MAP2K6: variants seen among roughly 807,000 people sequenced by gnomAD.
The protein encoded by MAP2K6 is mitogen-activated protein kinase kinase 6.
In MAP2K6, 16 loss-of-function variants were observed where a neutral mutation model predicts 53.7. The ratio of observed to expected loss-of-function variants is 0.30; its 90% confidence interval spans 0.20 to 0.45. The LOEUF (loss-of-function observed/expected upper bound fraction) is 0.45. Ranked by LOEUF, MAP2K6 falls within the 20% of genes least tolerant of loss-of-function variation. MAP2K6 has a pLI of 1.00. For synonymous variants in MAP2K6, 132 were observed against 143.1 expected (o/e 0.92, Z 0.55); for missense variants, 204 against 411.9 (o/e 0.50, Z 4.37).
intron 1 of MAP2K6, among the ~76,000 whole-genome samples, chr17:69,426,266 A>T (rs1372855725): frequency 6.6e-6 from 1 of 152,224 alleles, no homozygotes; most frequent in Admixed American, 6.5e-5. Context: ...TCTTCCAGTG[A>T]TTAGCCATGT....
chr17:69,482,302 A>T (rs1036812731), intron 1 of MAP2K6, among the ~76,000 whole-genome samples: 1 of 152,038 alleles, frequency 6.6e-6, no homozygotes. Flanking sequence ...TATGTGATTT[A>T]TTATTTTTTT....
At chr17:69,490,396 C>A (rs779142213) in intron 1 of MAP2K6, among the ~76,000 whole-genome samples, 1 of 152,178 alleles carries the variant, frequency 6.6e-6, no homozygotes, top group Non-Finnish European at 1.5e-5. Context: ...TTAGCCAGTT[C>A]TTTGTTTCTG....
intron 1 of MAP2K6, among the ~76,000 whole-genome samples, chr17:69,464,692 G>A (rs1226426359): frequency 6.6e-6 from 1 of 151,770 alleles, no homozygotes; most frequent in Non-Finnish European, 1.5e-5. Flanking sequence ...TTTGTAAGAT[G>A]TCCTTTTATC....
At chr17:69,449,552 TC>T (rs1907117027) in intron 1 of MAP2K6, among the ~76,000 whole-genome samples, 3 of 107,174 alleles carry the variant, frequency 2.8e-5, no homozygotes, top group Non-Finnish European at 3.7e-5. Flanking sequence ...TTTCTTTCTT[TC>T]TTTCTTTATT....
intron 2 of MAP2K6, among the ~76,000 whole-genome samples, chr17:69,507,006 A>C (rs1018507915): frequency 6.7e-6 from 1 of 149,128 alleles, no homozygotes; most frequent in Admixed American, 6.7e-5. Flanking sequence ...TTTCTCGTAG[A>C]CCTGTGAACT....
intron 1 of MAP2K6, among the ~76,000 whole-genome samples, chr17:69,442,509 C>T (rs1034774543): frequency 3.9e-5 from 6 of 152,202 alleles, no homozygotes; most frequent in Non-Finnish European, 5.9e-5. Context: ...TTCTCAATTT[C>T]CCAACCTCTG....
chr17:69,459,978 TTCCCTCCC>T (rs1053272719), intron 1 of MAP2K6, among the ~76,000 whole-genome samples: 66 of 150,346 alleles, frequency 4.4e-4, no homozygotes, highest in African/African-American at 1.5e-3. Context: ...GCCTTCCACC[TTCCCTCCC>T]TCCCTCCCTC....
At chr17:69,464,109 C>T (rs1345525262) in intron 1 of MAP2K6, among the ~76,000 whole-genome samples, 2 of 151,824 alleles carry the variant, frequency 1.3e-5, no homozygotes, top group Non-Finnish European at 1.5e-5. Context: ...TTTTTTGAGA[C>T]GGAGTCTCAC....
chr17:69,513,815 T>C (rs1909998000), intron 2 of MAP2K6, among the ~76,000 whole-genome samples: 2 of 152,166 alleles, frequency 1.3e-5, no homozygotes, highest in Admixed American at 1.3e-4. Flanking sequence ...GACCTTTCTG[T>C]TGCTTCATAT....
intron 1 of MAP2K6, among the ~76,000 whole-genome samples, chr17:69,456,367 C>T (rs2145165071): frequency 6.6e-6 from 1 of 152,230 alleles, no homozygotes; most frequent in Non-Finnish European, 1.5e-5. Context: ...TAGGGATGGC[C>T]TGGGGTTTGT....
intron 1 of MAP2K6, among the ~76,000 whole-genome samples, chr17:69,464,860 C>G (rs1907743667): frequency 6.6e-6 from 1 of 151,952 alleles, no homozygotes; most frequent in Non-Finnish European, 1.5e-5. Context: ...GGATTACAGG[C>G]ACGTGCCACC....
intron 2 of MAP2K6, among the ~76,000 whole-genome samples, chr17:69,513,683 A>G (rs2145242080): frequency 6.6e-6 from 1 of 152,314 alleles, no homozygotes; most frequent in Middle Eastern, 3.4e-3. Context: ...GCTGGACCAC[A>G]GGCTGTAATT....
At chr17:69,474,576 A>C (rs1424107564) in intron 1 of MAP2K6, among the ~76,000 whole-genome samples, 2 of 152,170 alleles carry the variant, frequency 1.3e-5, no homozygotes, top group African/African-American at 4.8e-5. Context: ...TAATGGCTGC[A>C]GTTTTGTACT....
chr17:69,536,214 A>G, intron 11 of MAP2K6, 54 bp downstream of exon 11: 1 of 1,294,168 alleles, frequency 7.7e-7, no homozygotes, highest in Non-Finnish European at 1.1e-6. Flanking sequence ...CAAAAGGCAA[A>G]GTCACTAAGA....
chr17:69,500,768 A>G (rs1324182066), intron 1 of MAP2K6, among the ~76,000 whole-genome samples: 1 of 138,328 alleles, frequency 7.2e-6, no homozygotes, highest in African/African-American at 3.2e-5. Context: ...AAAAAAAAGA[A>G]AAAAAAAAAG....
chr17:69,496,310 C>G (rs566313819), intron 1 of MAP2K6, among the ~76,000 whole-genome samples: 26 of 143,266 alleles, frequency 1.8e-4, no homozygotes, highest in Middle Eastern at 7.6e-3. Context: ...CTTGCTCTGT[C>G]TCCCAGGCTG....
chr17:69,472,630 A>G (rs1241554570), intron 1 of MAP2K6, among the ~76,000 whole-genome samples: 1 of 152,110 alleles, frequency 6.6e-6, no homozygotes, highest in Admixed American at 6.5e-5. Context: ...CCAGCTCAGT[A>G]CTCTGAGCTA....
chr17:69,487,503 G>A (rs975748184), intron 1 of MAP2K6, among the ~76,000 whole-genome samples: 2 of 152,190 alleles, frequency 1.3e-5, no homozygotes, highest in African/African-American at 4.8e-5. Flanking sequence ...GTAGCTGATG[G>A]GTAACTTACA....
chr17:69,480,653 A>G (rs920939224), intron 1 of MAP2K6, among the ~76,000 whole-genome samples: 2 of 152,226 alleles, frequency 1.3e-5, no homozygotes, highest in African/African-American at 4.8e-5. Context: ...ATTGGGAAGC[A>G]TGGGAATGAT....
Sources: allele counts gnomAD v4.1 joint callset (sites outside exome capture counted in the v4.1 genomes callset), GRCh38; gene constraint gnomAD v4.1.1; transcripts MANE v1.5; gene names NCBI Gene and HGNC (gene_info 2026-07-23, HGNC 2026-07-21).